Variants in HS3ST4 observed in about 807,000 individuals in gnomAD.
HS3ST4 encodes the protein heparan sulfate-glucosamine 3-sulfotransferase 4.
A neutral mutation model predicts 29.2 loss-of-function variants in HS3ST4; 17 were observed. The ratio of observed to expected loss-of-function variants is 0.58; its 90% CI spans 0.40 to 0.87. The LOEUF (loss-of-function observed/expected upper bound fraction) is 0.87. Among genes scored for constraint, HS3ST4 ranks in the 40% least tolerant of loss-of-function variants. HS3ST4 has a pLI of 0.00. For synonymous variants in HS3ST4, 314 were observed against 285.7 expected, an observed-to-expected ratio of 1.10 and a Z score of -1.00; for missense variants, 627 against 634.5, an observed-to-expected ratio of 0.99 and a Z score of 0.13.
At chr16:26,010,180 G>A (rs551047117) in intron 1 of HS3ST4, among the ~76,000 whole-genome samples, 13 of 152,268 alleles carry the variant, frequency 8.5e-5, no homozygotes, top group Admixed American at 2.0e-4. Flanking sequence ...GTGGCCCGGC[G>A]CGGTGACTCA....
At chr16:26,099,243 G>A (rs759962699) in intron 1 of HS3ST4, among the ~76,000 whole-genome samples, 9 of 152,138 alleles carry the variant, frequency 5.9e-5, no homozygotes, top group Admixed American at 3.3e-4. Flanking sequence ...CAGCCTCAAC[G>A]TCCTGGGCTC....
intron 1 of HS3ST4, among the ~76,000 whole-genome samples, chr16:25,982,353 G>T (rs1028741140): frequency 2.0e-5 from 3 of 152,206 alleles, no homozygotes; most frequent in Non-Finnish European, 2.9e-5. Context: ...GACCATGTTT[G>T]TTAAAATGCC....
chr16:25,876,109 G>T (rs1466264053), intron 1 of HS3ST4, among the ~76,000 whole-genome samples: 1 of 152,058 alleles, frequency 6.6e-6, no homozygotes, highest in Non-Finnish European at 1.5e-5. Flanking sequence ...ACCTCCACCA[G>T]TCTCTTCATT....
intron 1 of HS3ST4, among the ~76,000 whole-genome samples, chr16:26,012,473 T>C (rs1417034725): frequency 2.6e-5 from 4 of 152,246 alleles, no homozygotes; most frequent in Admixed American, 2.6e-4. Context: ...ATTCTGCTTC[T>C]GTAGCTTTTG....
At chr16:26,034,677 G>A (rs902201363) in intron 1 of HS3ST4, among the ~76,000 whole-genome samples, 1 of 145,968 alleles carries the variant, frequency 6.9e-6, no homozygotes, top group Non-Finnish European at 1.5e-5. Context: ...GCGGGGGGGG[G>A]TCTCACCAGC....
intron 1 of HS3ST4, among the ~76,000 whole-genome samples, chr16:26,082,935 G>A (rs11074747): frequency 0.49 from 73,816 of 152,116 alleles, 18,121 homozygotes; most frequent in Middle Eastern, 0.56. Context: ...AACTTGACCT[G>A]TTCTAACACA....
intron 1 of HS3ST4, among the ~76,000 whole-genome samples, chr16:25,994,008 G>GTGTGTGT (rs1969137901): frequency 7.0e-6 from 1 of 142,584 alleles, no homozygotes; most frequent in Non-Finnish European, 1.5e-5. Flanking sequence ...GTGTGTGTGT[G>GTGTGTGT]GTGGAGAGAG....
rs34339195 is a variant in HS3ST4, at chr16:25,916,673, CTTTTTTTTTTT to C, written c.735-218925_735-218915del. ...CACCGTGCCCAGCCTCAAATGCATT[CTTTTTTTTTTT>C]TTTTTTTTTTTTTGAGACAGAGTCT... On this transcript the variant is annotated intron_variant, in intron 1 of 1. Coordinates refer to ENST00000331351, the MANE Select transcript of HS3ST4 (RefSeq NM_006040.3). Among the ~76,000 whole-genome samples the C allele has an allele frequency of 2.3e-4, 21 of 92,172 alleles. No individual in the cohort carries two copies. The South Asian group carries it at 4.8e-3, about 21-fold the overall frequency. 60.5% of individuals were successfully genotyped at this position (92,172 alleles called of 152,430 possible).
At chr16:25,789,923 T>C (rs1224374240) in intron 1 of HS3ST4, among the ~76,000 whole-genome samples, 1 of 152,242 alleles carries the variant, frequency 6.6e-6, no homozygotes, top group South Asian at 2.1e-4. Context: ...CCATGTAGTA[T>C]TCCACTGTAT....
intron 1 of HS3ST4, among the ~76,000 whole-genome samples, chr16:26,008,466 T>C (rs896224340): frequency 2.6e-5 from 4 of 152,162 alleles, no homozygotes; most frequent in South Asian, 2.1e-4. Flanking sequence ...CAGGAAGATA[T>C]AGGTCAGCCA....
intron 1 of HS3ST4, among the ~76,000 whole-genome samples, chr16:25,880,145 A>G (rs1363896668): frequency 6.6e-6 from 1 of 152,158 alleles, no homozygotes; most frequent in Admixed American, 6.5e-5. Context: ...CCTGAGACTT[A>G]AGGTTATAAC....
chr16:25,860,820 C>T (rs1264830486), intron 1 of HS3ST4, among the ~76,000 whole-genome samples: 2 of 152,068 alleles, frequency 1.3e-5, no homozygotes, highest in Admixed American at 6.6e-5. Flanking sequence ...TGCCCAGACC[C>T]GTAGGACATA....
chr16:25,818,848 T>A (rs1313713492), intron 1 of HS3ST4, among the ~76,000 whole-genome samples: 2 of 152,204 alleles, frequency 1.3e-5, no homozygotes, highest in East Asian at 3.9e-4. Flanking sequence ...TCATTGATGT[T>A]CTCAGTAGTG....
intron 1 of HS3ST4, among the ~76,000 whole-genome samples, chr16:26,121,087 A>G (rs1567317041): frequency 6.6e-6 from 1 of 152,180 alleles, no homozygotes; most frequent in Non-Finnish European, 1.5e-5. Context: ...ATTGTTGTAT[A>G]AAATGGGAAT....
chr16:25,935,131 G>T (rs1416184730), intron 1 of HS3ST4, among the ~76,000 whole-genome samples: 1 of 152,226 alleles, frequency 6.6e-6, no homozygotes, highest in South Asian at 2.1e-4. Flanking sequence ...CACCATGATT[G>T]TAAGTTTCCT....
At chr16:25,831,443 A>AC (rs1555467763) in intron 1 of HS3ST4, among the ~76,000 whole-genome samples, 11 of 145,680 alleles carry the variant, frequency 7.6e-5, no homozygotes, top group South Asian at 2.2e-4. Context: ...ACACACACAC[A>AC]AACCTGACGT....
At chr16:25,744,698 C>A (rs1236422327) in intron 1 of HS3ST4, among the ~76,000 whole-genome samples, 3 of 152,086 alleles carry the variant, frequency 2.0e-5, no homozygotes, top group African/African-American at 7.2e-5. Flanking sequence ...GTGGGAGGGA[C>A]CTGGTGGGAG....
intron 1 of HS3ST4, among the ~76,000 whole-genome samples, chr16:25,714,293 C>T (rs1220482636): frequency 6.6e-6 from 1 of 152,192 alleles, no homozygotes; most frequent in Non-Finnish European, 1.5e-5. Context: ...CAGACGGGAA[C>T]CACTGCTTAG....
At chr16:26,011,711 A>G (rs1969312838) in intron 1 of HS3ST4, among the ~76,000 whole-genome samples, 1 of 112,916 alleles carries the variant, frequency 8.9e-6, no homozygotes, top group Non-Finnish European at 1.8e-5. Context: ...TGTGAGAGAG[A>G]GACAGAGAGA....
Sources: gnomAD v4.1 joint callset for allele counts (sites outside exome capture counted in the v4.1 genomes callset) on GRCh38, gnomAD v4.1.1 for gene constraint, MANE v1.5 for transcripts, NCBI Gene and HGNC (gene_info 2026-07-23, HGNC 2026-07-21) for gene names.